MIB1: variants seen among roughly 807,000 people sequenced by gnomAD.
MIB1 encodes the protein MIB E3 ubiquitin protein ligase 1, also known as E3 ubiquitin-protein ligase MIB1.
MIB1 carries 278 observed loss-of-function variants against 124.5 expected under a neutral mutation model. That is an observed-to-expected ratio of 2.23 (90% CI 2.02 to 2.47). MIB1 has a LOEUF of 2.47. Ranked by LOEUF, MIB1 falls within the 30% of genes most tolerant of loss-of-function variation. MIB1 has a pLI of 0.00. For synonymous variants in MIB1, 446 were observed against 429.4 expected, an observed-to-expected ratio of 1.04 and a Z score of -0.48; for missense variants, 957 against 1,254.4, an observed-to-expected ratio of 0.76 and a Z score of 3.58.
chr18:21,849,894 T>G (rs1401173489), intron 17 of MIB1, among the ~76,000 whole-genome samples: 4 of 152,134 alleles, frequency 2.6e-5, no homozygotes, highest in African/African-American at 2.4e-5. Flanking sequence ...TATCGTGGTG[T>G]TGTTTAACTT....
intron 1 of MIB1, among the ~76,000 whole-genome samples, chr18:21,727,415 G>A (rs1344654534): frequency 3.3e-5 from 5 of 152,108 alleles, no homozygotes; most frequent in Admixed American, 2.0e-4. Context: ...TTACAGGTGT[G>A]AGCCACTGCG....
At chr18:21,744,650 A>G (rs1180163989) in intron 1 of MIB1, among the ~76,000 whole-genome samples, 1 of 152,208 alleles carries the variant, frequency 6.6e-6, no homozygotes, top group African/African-American at 2.4e-5. Context: ...CAATCTTGTT[A>G]TCTCTCAAAT....
At position 21,870,803 on chromosome 18, in the gene MIB1, A is replaced by G. The variant is rs2046218194; in HGVS notation, c.*6137A>G. Reference sequence around the variant, plus strand: ...TTTTGTTTATTTGAAAAAAGCATATATATTCCAACTTTAAAATTGTGAATT... The same window carrying G: ...TTTTGTTTATTTGAAAAAAGCATATGTATTCCAACTTTAAAATTGTGAATT... On this transcript the variant is annotated 3_prime_UTR_variant, in exon 21 of 21. Coordinates refer to ENST00000261537, the MANE Select transcript of MIB1 (RefSeq NM_020774.4). 6.6e-6 allele frequency: 1 copy of G among 152,200 alleles called. No individual in the cohort carries two copies. The highest frequency in any genetic ancestry group is 1.5e-5 in the Non-Finnish European group (1 of 68,024). 9.4% of individuals were successfully genotyped at this position (152,200 alleles called of 1,614,324 possible).
intron 10 of MIB1, among the ~76,000 whole-genome samples, chr18:21,811,305 A>G (rs1455372409): frequency 2.0e-5 from 3 of 152,220 alleles, no homozygotes; most frequent in Admixed American, 2.0e-4. Flanking sequence ...TGAAAAGAAT[A>G]TGACAGTTGC....
chr18:21,786,339 C>T (rs527361783), intron 6 of MIB1, among the ~76,000 whole-genome samples: 17 of 152,250 alleles, frequency 1.1e-4, no homozygotes, highest in African/African-American at 3.8e-4. Flanking sequence ...CCTTGTGATC[C>T]GCCCGCCTCG....
At chr18:21,771,443 A>G (rs2041223064) in intron 3 of MIB1, among the ~76,000 whole-genome samples, 2 of 152,256 alleles carry the variant, frequency 1.3e-5, no homozygotes, top group Admixed American at 1.3e-4. Flanking sequence ...AATGAAGTTG[A>G]ATCTGAATAT....
At chr18:21,705,841 G>A (rs367618776) in intron 1 of MIB1, among the ~76,000 whole-genome samples, 44 of 152,188 alleles carry the variant, frequency 2.9e-4, no homozygotes, top group African/African-American at 8.2e-4. Flanking sequence ...AATCTGTAGC[G>A]TAACAATTTC....
At chr18:21,838,228 A>G in intron 12 of MIB1, 137 bp from the exon 13 acceptor site, 1 of 589,310 alleles carries the variant, frequency 1.7e-6, no homozygotes, top group Non-Finnish European at 2.8e-6. Flanking sequence ...CACATTTGAG[A>G]TTAGAAAAGT....
intron 20 of MIB1, among the ~76,000 whole-genome samples, chr18:21,861,748 T>G (rs1245860657): frequency 6.6e-6 from 1 of 152,060 alleles, no homozygotes; most frequent in Non-Finnish European, 1.5e-5. Flanking sequence ...CAGATAAAAT[T>G]TAATTTAACT....
chr18:21,815,033 A>ATC (rs2041814993), intron 10 of MIB1, among the ~76,000 whole-genome samples: 1 of 117,512 alleles, frequency 8.5e-6, no homozygotes, highest in South Asian at 2.4e-4. Context: ...ATATATATAT[A>ATC]TATATATATA....
intron 1 of MIB1, among the ~76,000 whole-genome samples, chr18:21,747,115 A>G (rs1301360249): frequency 1.3e-5 from 2 of 152,146 alleles, no homozygotes; most frequent in African/African-American, 4.8e-5. Context: ...AATATCACAA[A>G]ATGTTTTTTA....
At chr18:21,804,432 G>T (rs2041681974) in intron 10 of MIB1, among the ~76,000 whole-genome samples, 1 of 152,086 alleles carries the variant, frequency 6.6e-6, no homozygotes, top group Non-Finnish European at 1.5e-5. Context: ...AAGTTTTATT[G>T]TTTCTTGACC....
Position 21,765,885 on chromosome 18 carries a change from G to T in MIB1, c.343G>T (p.Gly115Ter), listed in dbSNP as rs1448640545. Residue 115 changes from glycine (G) to a stop codon, truncating the protein, a stop_gained, in exon 2 of 21, where the codon GGA becomes TGA. Coordinates refer to ENST00000261537, the MANE Select transcript of MIB1 (RefSeq NM_020774.4). LOFTEE classifies it high-confidence loss of function. Reference sequence around the variant, plus strand: ...TGATTTGTGCACAGTGTGTTATCATGGAGATAAACATCATTTAAGACATCG... The same window carrying T: ...TGATTTGTGCACAGTGTGTTATCATTGAGATAAACATCATTTAAGACATCG... ...NYDLCTVCYHGDKHHLRHRFY... is the reference protein window; with the variant it reads ...NYDLCTVCYH 1 of 1,614,102 alleles carries T rather than the reference G, an allele frequency of 6.2e-7. No homozygotes were observed. The highest frequency in any genetic ancestry group is 2.2e-5 in the East Asian group (1 of 44,876).
At chr18:21,796,489 AC>A (rs1207837727) in intron 7 of MIB1, among the ~76,000 whole-genome samples, 2 of 152,178 alleles carry the variant, frequency 1.3e-5, no homozygotes. Flanking sequence ...GGTGCAGCAG[AC>A]CACCATGGCA....
At chr18:21,774,228 T>C (rs1415399200) in intron 4 of MIB1, among the ~76,000 whole-genome samples, 1 of 152,246 alleles carries the variant, frequency 6.6e-6, no homozygotes, top group Non-Finnish European at 1.5e-5. Flanking sequence ...CTTAAGTGTT[T>C]AGAAAAATAA....
chr18:21,757,655 T>A (rs1455011239), intron 1 of MIB1, among the ~76,000 whole-genome samples: 3 of 151,154 alleles, frequency 2.0e-5, no homozygotes, highest in African/African-American at 7.3e-5. Context: ...CGGCTGCTTT[T>A]TTGTGTTTTT....
At position 21,816,795 on chromosome 18, in the gene MIB1, A is replaced by G. The variant is rs142906005; in HGVS notation, c.1677+982A>G. 5.2e-4 allele frequency among the ~76,000 whole-genome samples: 79 copies of G among 152,268 alleles called. No homozygotes were observed. In the Middle Eastern group the frequency reaches 0.014, roughly 26 times the overall value. On this transcript the variant is annotated intron_variant, in intron 11 of 20. Transcript: ENST00000261537. The stretch of plus-strand genomic sequence containing the variant: ...TTTTGTTCAGCTAGATAATTATTAG[A>G]AATTAAGGTTTTTGAAGTGCAGCTG...
chr18:21,848,827 G>A (rs1462138906), intron 16 of MIB1, among the ~76,000 whole-genome samples: 1 of 152,108 alleles, frequency 6.6e-6, no homozygotes, highest in African/African-American at 2.4e-5. Context: ...GGCTAGTGAG[G>A]ATTTTTGTTT....
rs1247943956 is a variant in MIB1 at position 21,865,002 on chromosome 18, C to T, written c.*336C>T. 2 of 171,376 alleles carry T rather than the reference C, an allele frequency of 1.2e-5. No homozygotes were observed. The highest frequency in any genetic ancestry group is 4.7e-5 in the African/African-American group (2 of 42,184). The allele number at this position is 171,376 out of a possible 1,614,324, so 10.6% of individuals were successfully genotyped here. On this transcript the variant is annotated 3_prime_UTR_variant, in exon 21 of 21. Coordinates refer to ENST00000261537, the MANE Select transcript of MIB1 (RefSeq NM_020774.4). ...TGTAAATTTGTTGGATCTCAAAAGACATAATTCTTTGTGATCAGTTATCCT... is the reference window on the plus strand; with the variant it reads ...TGTAAATTTGTTGGATCTCAAAAGATATAATTCTTTGTGATCAGTTATCCT...
Sources: gnomAD v4.1 joint callset for allele counts (sites outside exome capture counted in the v4.1 genomes callset) on GRCh38, gnomAD v4.1.1 for gene constraint, MANE v1.5 for transcripts, NCBI Gene and HGNC (gene_info 2026-07-23, HGNC 2026-07-21) for gene names.